Variants in NHEJ1 observed in about 807,000 individuals in gnomAD.
NHEJ1 encodes the protein non-homologous end-joining factor 1.
In NHEJ1, 22 loss-of-function variants were observed where a neutral mutation model predicts 39.4. The observed-to-expected ratio is 0.56, with a 90% CI of 0.40 to 0.80. The LOEUF (loss-of-function observed/expected upper bound fraction) is 0.80, where lower values mean the gene tolerates loss of function less well. Among genes scored for constraint, NHEJ1 ranks in the 30% least tolerant of loss-of-function variants. NHEJ1 has a pLI of 0.00. For missense variants in NHEJ1, 329 were observed against 357.1 expected, an observed-to-expected ratio of 0.92 and a Z score of 0.63; for synonymous variants, 154 against 135.6, an observed-to-expected ratio of 1.14 and a Z score of -0.94.
chr2:219,153,825 A>G (rs1949823193), intron 3 of NHEJ1, among the ~76,000 whole-genome samples: 1 of 152,180 alleles, frequency 6.6e-6, no homozygotes, highest in South Asian at 2.1e-4. Context: ...CTGGAGAAGT[A>G]TGAGGAACAG....
At chr2:219,090,116 G>A (rs1048325184) in intron 5 of NHEJ1, among the ~76,000 whole-genome samples, 1 of 152,132 alleles carries the variant, frequency 6.6e-6, no homozygotes, top group East Asian at 1.9e-4. Context: ...ACTAATGAGG[G>A]CTGTCCAAGG....
At chr2:219,084,942 T>C (rs1355875091) in intron 5 of NHEJ1, among the ~76,000 whole-genome samples, 1 of 152,218 alleles carries the variant, frequency 6.6e-6, no homozygotes, top group Non-Finnish European at 1.5e-5. Flanking sequence ...TTAGCAAGAG[T>C]ATTCTGCACA....
In NHEJ1 at chr2:219,135,524, G is replaced by A. The variant is rs182538552; in HGVS notation, c.588+11156C>T. ...TTCAGGAGGCTGAGGCAGGAGAATT[G>A]CTTGAACCCAGGAGGCAGAGGTTGC... On this transcript the variant is annotated intron_variant, in intron 5 of 7. Transcript: ENST00000356853. Among the ~76,000 whole-genome samples the A allele has an allele frequency of 3.9e-5, 6 of 152,298 alleles. 1 individual carries two copies. In the East Asian group the frequency reaches 9.7e-4, roughly 25 times the overall value.
intron 5 of NHEJ1, among the ~76,000 whole-genome samples, chr2:219,127,923 A>G (rs147000643): frequency 3.5e-4 from 54 of 152,306 alleles, no homozygotes; most frequent in Admixed American, 3.4e-3. Context: ...CTTTAGTCCA[A>G]TCTTCTACCT....
At chr2:219,150,721 C>A (rs190365391) in intron 3 of NHEJ1, among the ~76,000 whole-genome samples, 1 of 151,950 alleles carries the variant, frequency 6.6e-6, no homozygotes, top group African/African-American at 2.4e-5. Flanking sequence ...TGTGGGAGGC[C>A]GAGGCAAGTG....
intron 5 of NHEJ1, among the ~76,000 whole-genome samples, chr2:219,116,334 C>T (rs530256169): frequency 4.8e-4 from 73 of 152,042 alleles, no homozygotes; most frequent in Non-Finnish European, 4.4e-4. Flanking sequence ...TTACACATTG[C>T]AATTGGTGGA....
intron 5 of NHEJ1, chr2:219,095,386 T>G (rs760583172): frequency 1.1e-5 from 5 of 468,706 alleles, no homozygotes; most frequent in South Asian, 7.8e-5. Flanking sequence ...TAGTTAGTAG[T>G]AGTCCTGACT....
chr2:219,106,184 C>T (rs1222078454), intron 5 of NHEJ1, among the ~76,000 whole-genome samples: 1 of 152,160 alleles, frequency 6.6e-6, no homozygotes, highest in African/African-American at 2.4e-5. Context: ...GAGAAATGGT[C>T]TTTTTCTCTT....
intron 5 of NHEJ1, among the ~76,000 whole-genome samples, chr2:219,133,394 C>A (rs1324072420): frequency 2.0e-5 from 3 of 152,256 alleles, no homozygotes; most frequent in Non-Finnish European, 4.4e-5. Flanking sequence ...GTGAGAGAGT[C>A]CTCTCATGAC....
At chr2:219,083,077 T>C (rs139653099) in intron 5 of NHEJ1, among the ~76,000 whole-genome samples, 48 of 152,384 alleles carry the variant, frequency 3.1e-4, no homozygotes, top group Middle Eastern at 3.4e-3. Context: ...AATCCATTCA[T>C]ATTTAACAAA....
chr2:219,097,203 A>T (rs1470233538), intron 5 of NHEJ1, among the ~76,000 whole-genome samples: 1 of 152,224 alleles, frequency 6.6e-6, no homozygotes, highest in East Asian at 1.9e-4. Context: ...TTTTCAACTT[A>T]TGATATTTTA....
At position 219,071,881 on chromosome 2, in the gene NHEJ1, G is replaced by A. The variant is rs1434118927; in HGVS notation, c.*4500C>T. 2.0e-5 allele frequency among the ~76,000 whole-genome samples: 3 copies of A among 152,178 alleles called. No individual in the cohort carries two copies. Among genetic ancestry groups the A allele is most frequent in the African/African-American group, 7.2e-5 (3 of 41,400 alleles). The stretch of plus-strand genomic sequence containing the variant: ...TGGGCTCCAAATAGAGAAACTGAGT[G>A]GGGTGGGACTTAATAGCTCAGAAGA... On this transcript the variant is annotated 3_prime_UTR_variant, in exon 8 of 8. Coordinates refer to ENST00000356853, the MANE Select transcript of NHEJ1 (RefSeq NM_024782.3).
chr2:219,138,160 A>G (rs1949654419), intron 5 of NHEJ1, among the ~76,000 whole-genome samples: 1 of 152,170 alleles, frequency 6.6e-6, no homozygotes, highest in Non-Finnish European at 1.5e-5. Flanking sequence ...AGCCCTTCTA[A>G]CTGTGGAAGT....
At position 219,070,682 on chromosome 2, in the gene NHEJ1, C is replaced by T. The variant is rs1025432792; in HGVS notation, c.*5699G>A. On this transcript the variant is annotated 3_prime_UTR_variant, in exon 8 of 8. Transcript: ENST00000356853. ...AATCCAGACACTCAATCTTTTCTTT[C>T]TTTTTTTTTTTTAATTCAAAATACC... Among the ~76,000 whole-genome samples the T allele has an allele frequency of 6.8e-6, 1 of 146,084 alleles. No homozygotes were observed.
chr2:219,093,723 T>C (rs992474827), intron 5 of NHEJ1, among the ~76,000 whole-genome samples: 1 of 152,082 alleles, frequency 6.6e-6, no homozygotes, highest in Non-Finnish European at 1.5e-5. Context: ...AGTTGAATAG[T>C]GGGTATATAG....
At chr2:219,122,377 T>G (rs10165805) in intron 5 of NHEJ1, among the ~76,000 whole-genome samples, 86,208 of 151,928 alleles carry the variant, frequency 0.57, 25,730 homozygotes, top group Non-Finnish European at 0.67. Flanking sequence ...TGTACACCTA[T>G]CTATCTCATT....
At chr2:219,094,678 C>T (rs1026187632) in intron 5 of NHEJ1, among the ~76,000 whole-genome samples, 1 of 152,114 alleles carries the variant, frequency 6.6e-6, no homozygotes, top group Non-Finnish European at 1.5e-5. Context: ...TTAGCATTTC[C>T]TAACTGATAA....
At position 219,079,015 on chromosome 2, in the gene NHEJ1, A is replaced by G. The variant is rs192764812; in HGVS notation, c.589-809T>C. 7.2e-5 allele frequency among the ~76,000 whole-genome samples: 11 copies of G among 152,368 alleles called. No individual in the cohort carries two copies. In the East Asian group the frequency reaches 2.1e-3, roughly 29 times the overall value. On this transcript the variant is annotated intron_variant, in intron 5 of 7. Coordinates refer to ENST00000356853, the MANE Select transcript of NHEJ1 (RefSeq NM_024782.3). The stretch of plus-strand genomic sequence containing the variant: ...TTTTAAAAGGCTGAGAAACACTGCT[A>G]TGATTACATTATATTTATCTGTTTC...
chr2:219,123,128 A>T (rs977474574), intron 5 of NHEJ1, among the ~76,000 whole-genome samples: 1 of 152,198 alleles, frequency 6.6e-6, no homozygotes, highest in African/African-American at 2.4e-5. Flanking sequence ...ACTGGTAGGG[A>T]TACACTGACC....
Sources: allele counts gnomAD v4.1 joint callset (sites outside exome capture counted in the v4.1 genomes callset), GRCh38; gene constraint gnomAD v4.1.1; transcripts MANE v1.5; gene names NCBI Gene and HGNC (gene_info 2026-07-23, HGNC 2026-07-21).